Variants in ZNF730 observed in about 807,000 individuals in gnomAD.
ZNF730 encodes zinc finger protein 730, also known as putative zinc finger protein 730.
ZNF730 carries 12 observed loss-of-function variants against 12.6 expected under a neutral mutation model. That is an observed-to-expected ratio of 0.95 (90% CI 0.61 to 1.54). The LOEUF is 1.54. ZNF730 is among the 40% of genes most tolerant of loss of function. ZNF730 has a pLI of 0.00. For missense variants in ZNF730, 643 were observed against 583.5 expected, an observed-to-expected ratio of 1.10 and a Z score of -1.05; for synonymous variants, 194 against 195.8, an observed-to-expected ratio of 0.99 and a Z score of 0.08.
Position 23,146,319 on chromosome 19 carries a change from A to T in ZNF730, c.1275A>T (p.Lys425Asn). Reference protein sequence around the residue: ...KRIHTGEKPYKCEECGRAFNQ... With the variant: ...KRIHTGEKPYNCEECGRAFNQ... ...TTCATACTGGAGAGAAACCCTACAA[A>T]TGTGAAGAATGTGGCAGAGCTTTCA... Residue 425 changes from lysine to asparagine, a missense_variant, in exon 4 of 4, where the codon AAA becomes AAT. Transcript: ENST00000597761. 6.2e-7 allele frequency: 1 copy of T among 1,613,558 alleles called. No homozygotes were observed. Among genetic ancestry groups the T allele is most frequent in the Non-Finnish European group, 8.5e-7 (1 of 1,179,848 alleles).
At chr19:23,098,611 A>G (rs1970290930) in intron 1 of ZNF730, among the ~76,000 whole-genome samples, 1 of 152,208 alleles carries the variant, frequency 6.6e-6, no homozygotes. Context: ...ATTGTGACAT[A>G]GTGCAGGGTC....
intron 3 of ZNF730, among the ~76,000 whole-genome samples, chr19:23,145,059 T>TTG (rs1468889765): frequency 6.6e-6 from 1 of 152,240 alleles, no homozygotes; most frequent in Admixed American, 6.5e-5. Context: ...GCTCTTTGCA[T>TTG]TGTGTTCACC....
chr19:23,084,208 G>T (rs1970016801), intron 1 of ZNF730, among the ~76,000 whole-genome samples: 1 of 152,090 alleles, frequency 6.6e-6, no homozygotes, highest in Admixed American at 6.6e-5. Flanking sequence ...CAATACCATT[G>T]TTAAAAACTA....
At chr19:23,115,192 G>T (rs1970504257), upstream of ZNF730, among the ~76,000 whole-genome samples, 2 of 152,008 alleles carry the variant, frequency 1.3e-5, no homozygotes, top group South Asian at 4.1e-4. Context: ...GAATTTCAAG[G>T]GTCTGTGGCA....
intron 1 of ZNF730, among the ~76,000 whole-genome samples, chr19:23,091,554 G>C (rs1425386173): frequency 6.6e-6 from 1 of 152,232 alleles, no homozygotes; most frequent in African/African-American, 2.4e-5. Flanking sequence ...GGGTGGAGCT[G>C]TTCCGGATCA....
intron 1 of ZNF730, among the ~76,000 whole-genome samples, chr19:23,131,195 C>A (rs556359648): frequency 1.3e-5 from 2 of 152,324 alleles, no homozygotes; most frequent in South Asian, 2.1e-4. Flanking sequence ...TTAAACTCTT[C>A]ATTTCTCTAT....
Position 23,145,751 on chromosome 19 carries a change from C to A in ZNF730, c.707C>A (p.Ala236Asp), listed in dbSNP as rs771130654. Residue 236 changes from alanine to aspartate, a missense_variant, in exon 4 of 4, where the codon GCC (alanine) becomes GAC (aspartate). By Grantham distance (126) the Ala-to-Asp change is moderately radical. Coordinates refer to ENST00000597761, the MANE Select transcript of ZNF730 (RefSeq NM_001277403.2). ...KPYKCKECGK[A>D]FNWFSHFTTH... ...TACAAATGTAAAGAATGTGGCAAAG[C>A]CTTTAACTGGTTTTCACATTTTACT... 2 of 1,565,534 alleles carry A rather than the reference C, an allele frequency of 1.3e-6. No homozygotes were observed. The highest frequency in any genetic ancestry group is 2.3e-5 in the South Asian group (2 of 86,010).
At chr19:23,103,553 T>C (rs1970359111) in intron 1 of ZNF730, among the ~76,000 whole-genome samples, 1 of 152,168 alleles carries the variant, frequency 6.6e-6, no homozygotes, top group South Asian at 2.1e-4. Flanking sequence ...CTTCCCAAAA[T>C]CATACTTTAG....
chr19:23,110,488 G>T (rs976541217), intron 1 of ZNF730, among the ~76,000 whole-genome samples: 37 of 142,726 alleles, frequency 2.6e-4, no homozygotes, highest in Admixed American at 4.3e-4. Flanking sequence ...TGTTGATCAG[G>T]CTGGATGGTC....
chr19:23,145,423 A>T lies in ZNF730; in HGVS notation c.379A>T (p.Lys127Ter), dbSNP rs1343697542. The change falls in exon 4 of 4, where the codon AAA (lysine) becomes TAA (stop). Residue 127 changes from lysine (K) to a stop codon, truncating the protein, a stop_gained. Coordinates refer to ENST00000597761, the MANE Select transcript of ZNF730 (RefSeq NM_001277403.2). LOFTEE classifies it low-confidence loss of function (END_TRUNC). ...CKNVDEFKMHKKGYNRHNQCL... is the reference protein window; with the variant it reads ...CKNVDEFKMH ...AAATGTGGATGAGTTTAAGATGCAC[A>T]AAAAAGGTTATAATAGACATAACCA... 1.9e-6 allele frequency: 3 copies of T among 1,583,112 alleles called. No homozygotes were observed. The highest frequency in any genetic ancestry group is 2.3e-5 in the South Asian group (2 of 87,338).
At chr19:23,142,432 C>T (rs1189229223) in intron 3 of ZNF730, among the ~76,000 whole-genome samples, 1 of 148,856 alleles carries the variant, frequency 6.7e-6, no homozygotes, top group African/African-American at 2.5e-5. Context: ...TCCTGTAATC[C>T]CAGTACTTTG....
chr19:23,088,430 C>T (rs953230367), intron 1 of ZNF730, among the ~76,000 whole-genome samples: 1 of 151,900 alleles, frequency 6.6e-6, no homozygotes, highest in Non-Finnish European at 1.5e-5. Context: ...TTTTCAATAC[C>T]TTGTTTATTG....
intron 3 of ZNF730, among the ~76,000 whole-genome samples, chr19:23,136,487 C>T (rs529935135): frequency 1.6e-4 from 24 of 152,230 alleles, no homozygotes; most frequent in Non-Finnish European, 2.6e-4. Context: ...TCACTGCAAC[C>T]TCTGTCTCTC....
intron 1 of ZNF730, among the ~76,000 whole-genome samples, chr19:23,108,268 C>G (rs1970418212): frequency 6.6e-6 from 1 of 152,156 alleles, no homozygotes; most frequent in East Asian, 1.9e-4. Flanking sequence ...TCAACTCAAG[C>G]AATTCTGATT....
At chr19:23,083,117 C>G (rs1450945984) in intron 1 of ZNF730, among the ~76,000 whole-genome samples, 4 of 151,314 alleles carry the variant, frequency 2.6e-5, no homozygotes, top group African/African-American at 9.7e-5. Flanking sequence ...TATGGATTTT[C>G]TTTTTTTTAG....
chr19:23,078,088 C>G (rs1297493955), intron 1 of ZNF730, among the ~76,000 whole-genome samples: 1 of 152,054 alleles, frequency 6.6e-6, no homozygotes, highest in African/African-American at 2.4e-5. Flanking sequence ...AAGGTTTTTC[C>G]CCATGTGATA....
chr19:23,146,451 A>G lies in ZNF730; in HGVS notation c.1407A>G (p.Thr469=). ...TTAACCGGTCCTCAACCCTCACTAC[A>G]CATAAGATAATTCATTCTGGGGAAA... ...KAFNRSSTLT[T]HKIIHSGEKI... is the part of the protein sequence containing the mutation. The change falls in exon 4 of 4, where the codon ACA becomes ACG. Residue 469 remains threonine, a synonymous_variant. Transcript: ENST00000597761. 2 of 1,611,484 alleles carry G rather than the reference A, an allele frequency of 1.2e-6. No homozygotes were observed. Among genetic ancestry groups the G allele is most frequent in the Non-Finnish European group, 1.7e-6 (2 of 1,179,496 alleles).
At chr19:23,096,245 T>C (rs963365967) in intron 1 of ZNF730, among the ~76,000 whole-genome samples, 1 of 152,174 alleles carries the variant, frequency 6.6e-6, no homozygotes, top group Non-Finnish European at 1.5e-5. Context: ...AACTCTACTG[T>C]ACTGTTTGGT....
At chr19:23,133,189 C>T (rs905233660) in intron 1 of ZNF730, among the ~76,000 whole-genome samples, 3 of 151,966 alleles carry the variant, frequency 2.0e-5, no homozygotes, top group African/African-American at 7.3e-5. Context: ...CTTTATCTGC[C>T]TATGGAAAAT....
Sources: gnomAD v4.1 joint callset for allele counts (sites outside exome capture counted in the v4.1 genomes callset) on GRCh38, gnomAD v4.1.1 for gene constraint, MANE v1.5 for transcripts, NCBI Gene and HGNC (gene_info 2026-07-23, HGNC 2026-07-21) for gene names.